Variants in ASMT observed in about 807,000 individuals in gnomAD.
ASMT encodes the protein acetylserotonin N-methyltransferase.
In ASMT, 53 loss-of-function variants were observed where a neutral mutation model predicts 41.3. The ratio of observed to expected loss-of-function variants is 1.28; its 90% CI spans 1.03 to 1.61. The LOEUF (loss-of-function observed/expected upper bound fraction) is 1.61, where lower values mean the gene tolerates loss of function less well. Ranked by LOEUF, ASMT falls within the 40% of genes most tolerant of loss-of-function variation. The pLI, the probability that ASMT is intolerant of heterozygous loss-of-function variation, is 0.00. For missense variants in ASMT, 531 were observed against 441.3 expected (o/e 1.20, Z -1.82); for synonymous variants, 231 against 184.8 (o/e 1.25, Z -2.03).
chrX:1,633,124 G>T (rs4521942), intron 6 of ASMT, 26 bp from the exon 7 acceptor site: 146,317 of 1,612,248 alleles, frequency 0.091, 6,866 homozygotes, highest in South Asian at 0.18. Flanking sequence ...ATCTCTGAGG[G>T]TCAAACGGGC....
At chrX:1,616,298 TTTC>T (rs1416474698) in intron 1 of ASMT, among the ~76,000 whole-genome samples, 4 of 151,302 alleles carry the variant, frequency 2.6e-5, no homozygotes, top group African/African-American at 9.7e-5. Flanking sequence ...CAAGGCCTCA[TTTC>T]TTCTTCTCAC....
intron 4 of ASMT, among the ~76,000 whole-genome samples, chrX:1,628,714 C>A (rs1473164874): frequency 6.6e-6 from 1 of 150,676 alleles, no homozygotes; most frequent in African/African-American, 2.4e-5. Context: ...TCTCCATCTT[C>A]CCCCTCCTCT....
In ASMT at chrX:1,629,873, G is replaced by A. The variant is rs373339042; in HGVS notation, c.496G>A (p.Val166Ile). The part of the protein sequence containing the change: ...FMQALQEVWS[V>I]NGRSVLTAFD... ...GCAAGCTCTGCAGGAGGTCTGGAGC[G>A]TCAACGGGAGAAGCGTGCTGACCGC... is the stretch of plus-strand genomic sequence containing the variant. Residue 166 changes from valine (V) to isoleucine (I), a missense_variant, in exon 5 of 9, where the codon GTC becomes ATC. By Grantham distance (29) the Val-to-Ile change is conservative. Transcript: ENST00000381241. 2.1e-4 allele frequency: 338 copies of A among 1,613,994 alleles called. No homozygotes were observed. Among genetic ancestry groups the A allele is most frequent in the Middle Eastern group, 8.3e-4 (5 of 6,056 alleles).
intron 1 of ASMT, among the ~76,000 whole-genome samples, chrX:1,621,964 G>C (rs1352192596): frequency 6.6e-6 from 1 of 151,464 alleles, no homozygotes; most frequent in Non-Finnish European, 1.5e-5. Context: ...CAAAGTGCTG[G>C]GATGACAGGC....
At position 1,643,070 on chromosome X, in the gene ASMT, C is replaced by A; in HGVS notation, c.*56C>A. Reference sequence around the variant, plus strand: ...AGCACACAAGACATAATAATAAAGACATGTACCTCCAGTGGCTTCTTGTTC... The same window carrying A: ...AGCACACAAGACATAATAATAAAGAAATGTACCTCCAGTGGCTTCTTGTTC... On this transcript the variant is annotated 3_prime_UTR_variant, in exon 9 of 9. Transcript: ENST00000381241. The A allele has an allele frequency of 6.4e-7, 1 of 1,564,694 alleles. No individual in the cohort carries two copies. The highest frequency in any genetic ancestry group is 8.8e-7 in the Non-Finnish European group (1 of 1,135,470).
chrX:1,636,621 C>G lies in ASMT; in HGVS notation c.910+61C>G, dbSNP rs1354708754. ...TGACACGGGGCAGAATTGTACGAGT[C>G]ACATTTAGAAGGCAGGCACTGAAAT... On this transcript the variant is annotated intron_variant, in intron 8 of 8. Transcript: ENST00000381241. The G allele has an allele frequency of 3.1e-6, 5 of 1,612,654 alleles. No homozygotes were observed. In the African/African-American group the frequency reaches 4.0e-5, roughly 13 times the overall value.
chrX:1,633,379 G>A, intron 7 of ASMT, 89 bp downstream of exon 7: 2 of 1,555,924 alleles, frequency 1.3e-6, no homozygotes, highest in Non-Finnish European at 1.8e-6. Context: ...AAGATGTGAT[G>A]TGGTTTTCCT....
At chrX:1,621,970 C>T (rs1934350908) in intron 1 of ASMT, among the ~76,000 whole-genome samples, 1 of 151,956 alleles carries the variant, frequency 6.6e-6, no homozygotes, top group Non-Finnish European at 1.5e-5. Flanking sequence ...GCTGGGATGA[C>T]AGGCGTGAGC....
Position 1,642,793 on chromosome X carries a change from C to T in ASMT, c.911-10C>T, listed in dbSNP as rs1297094968. 1 of 1,612,056 alleles carries T rather than the reference C, an allele frequency of 6.2e-7. No homozygotes were observed. Among genetic ancestry groups the T allele is most frequent in the African/African-American group, 1.3e-5 (1 of 74,870 alleles). On this transcript the variant is annotated splice_polypyrimidine_tract_variant and intron_variant, in intron 8 of 8. Transcript: ENST00000381241. ...TGTGTGTGATGTGGACTGTGCCCCT[C>T]CCTTTCTAGGTGGTGGCATTCTGGT...
At chrX:1,628,238 T>G (rs1179495643) in intron 4 of ASMT, among the ~76,000 whole-genome samples, 8 of 152,116 alleles carry the variant, frequency 5.3e-5, no homozygotes, top group Non-Finnish European at 7.4e-5. Flanking sequence ...GGAGAACTGC[T>G]TGAACCCGGG....
chrX:1,618,872 A>C (rs1372113366), intron 1 of ASMT, among the ~76,000 whole-genome samples: 2 of 152,302 alleles, frequency 1.3e-5, no homozygotes. Context: ...TCGCTGGTTC[A>C]CAGCGGTGTT....
intron 7 of ASMT, 125 bp downstream of exon 7, chrX:1,633,415 C>T (rs1934849579): frequency 1.8e-6 from 2 of 1,107,088 alleles, no homozygotes; most frequent in Non-Finnish European, 2.8e-6. Flanking sequence ...ACCCTCAACT[C>T]AACACTGTCT....
At chrX:1,620,121 A>AAAT (rs1934285473) in intron 1 of ASMT, among the ~76,000 whole-genome samples, 1 of 151,228 alleles carries the variant, frequency 6.6e-6, no homozygotes, top group Admixed American at 6.6e-5. Context: ...AATAAATAAA[A>AAAT]AAGAAAAAGG....
At chrX:1,631,743 C>G (rs35632161) in intron 5 of ASMT, among the ~76,000 whole-genome samples, 1 of 150,916 alleles carries the variant, frequency 6.6e-6, no homozygotes, top group African/African-American at 2.4e-5. Flanking sequence ...GGTGAAATCC[C>G]GTCTCTACTA....
At chrX:1,633,829 G>A (rs191568559) in intron 7 of ASMT, among the ~76,000 whole-genome samples, 133 of 152,234 alleles carry the variant, frequency 8.7e-4, no homozygotes, top group South Asian at 5.4e-3. Flanking sequence ...TAGTAGAGGT[G>A]GAGTTTCACT....
At chrX:1,617,825 G>C (rs1934194822) in intron 1 of ASMT, among the ~76,000 whole-genome samples, 2 of 151,954 alleles carry the variant, frequency 1.3e-5, no homozygotes, top group Non-Finnish European at 2.9e-5. Flanking sequence ...ATGTTGGTCA[G>C]GCTGGTCTCG....
intron 5 of ASMT, 50 bp downstream of exon 5, chrX:1,629,989 A>G (rs1179225085): frequency 4.9e-6 from 7 of 1,425,000 alleles, no homozygotes; most frequent in African/African-American, 2.8e-5. Flanking sequence ...TCTGTTCTGT[A>G]TGGGGAATGT....
intron 5 of ASMT, among the ~76,000 whole-genome samples, chrX:1,630,383 G>A (rs6644781): frequency 0.14 from 19,304 of 138,938 alleles, 1,274 homozygotes; most frequent in East Asian, 0.36. Flanking sequence ...TCGGCTCACC[G>A]CAACCTCCGC....
chrX:1,619,590 A>AATAAT (rs1934266743), intron 1 of ASMT, among the ~76,000 whole-genome samples: 1 of 128,616 alleles, frequency 7.8e-6, no homozygotes, highest in South Asian at 2.5e-4. Flanking sequence ...ATAATAATAA[A>AATAAT]AAGTCTTTGG....
Sources: allele counts gnomAD v4.1 joint callset (sites outside exome capture counted in the v4.1 genomes callset), GRCh38; gene constraint gnomAD v4.1.1; transcripts MANE v1.5; gene names NCBI Gene and HGNC (gene_info 2026-07-23, HGNC 2026-07-21).